ARHGAP6: variants seen among roughly 807,000 people sequenced by gnomAD.
ARHGAP6 encodes the protein rho GTPase-activating protein 6.
ARHGAP6 carries 16 observed loss-of-function variants against 55.7 expected under a neutral mutation model. That is an observed-to-expected ratio of 0.29 (90% CI 0.19 to 0.44). The LOEUF is 0.44. Among genes scored for constraint, ARHGAP6 ranks in the 20% least tolerant of loss-of-function variants. ARHGAP6 has a pLI of 1.00. For synonymous variants in ARHGAP6, 382 were observed against 360.9 expected (o/e 1.06, Z -0.66); for missense variants, 698 against 808.9 (o/e 0.86, Z 1.66).
At chrX:11,216,765 G>A (rs376315211) in intron 2 of ARHGAP6, among the ~76,000 whole-genome samples, 24 of 110,873 alleles carry the variant, frequency 2.2e-4, no homozygotes, top group African/African-American at 7.5e-4. Context: ...TGTGCAGAAC[G>A]TGCAGGTTTG....
At chrX:11,345,126 T>C (rs547632888) in intron 1 of ARHGAP6, among the ~76,000 whole-genome samples, 1 of 112,541 alleles carries the variant, frequency 8.9e-6, no homozygotes, top group Non-Finnish European at 1.9e-5. Context: ...GCATTCTCTA[T>C]GTCTCTCTTG....
chrX:11,187,077 T>A (rs1271884429), intron 4 of ARHGAP6, among the ~76,000 whole-genome samples: 1 of 111,276 alleles, frequency 9.0e-6, no homozygotes, highest in African/African-American at 3.3e-5. Flanking sequence ...CTTAGAGCTA[T>A]CCCTATCAAG....
intron 1 of ARHGAP6, among the ~76,000 whole-genome samples, chrX:11,480,182 A>C (rs1267361030): frequency 2.7e-5 from 3 of 112,112 alleles, no homozygotes; most frequent in Non-Finnish European, 5.6e-5. Flanking sequence ...ATAATAGCCC[A>C]AAACTGAAAA....
chrX:11,524,817 G>A (rs189991498), intron 1 of ARHGAP6, among the ~76,000 whole-genome samples: 103 of 111,230 alleles, frequency 9.3e-4, no homozygotes, highest in African/African-American at 2.9e-3. Context: ...ACAACTCACC[G>A]TAATGTAGAA....
At chrX:11,216,946 ATGAG>A (rs1275110120) in intron 2 of ARHGAP6, among the ~76,000 whole-genome samples, 2 of 110,112 alleles carry the variant, frequency 1.8e-5, no homozygotes, top group Non-Finnish European at 3.8e-5. Context: ...ACTCCCACTT[ATGAG>A]TGAGAACATG....
intron 1 of ARHGAP6, among the ~76,000 whole-genome samples, chrX:11,354,321 C>CTATA (rs1295985738): frequency 5.0e-4 from 32 of 64,357 alleles, no homozygotes; most frequent in African/African-American, 6.4e-4. Flanking sequence ...CTCTCTCTCT[C>CTATA]TCTCTCTATA....
intron 2 of ARHGAP6, among the ~76,000 whole-genome samples, chrX:11,227,800 CTTTT>C (rs772345343): frequency 2.0e-5 from 2 of 101,800 alleles, no homozygotes; most frequent in African/African-American, 7.1e-5. Flanking sequence ...TTTCTTTTTT[CTTTT>C]TTTTTTTTTG....
intron 1 of ARHGAP6, among the ~76,000 whole-genome samples, chrX:11,356,899 C>T (rs1318016738): frequency 9.0e-6 from 1 of 111,572 alleles, no homozygotes; most frequent in Non-Finnish European, 1.9e-5. Context: ...ATCCATATTG[C>T]CTGGACCCAG....
intron 1 of ARHGAP6, among the ~76,000 whole-genome samples, chrX:11,422,056 T>C (rs774306442): frequency 8.1e-5 from 9 of 111,575 alleles, no homozygotes; most frequent in East Asian, 5.6e-4. Context: ...GAAAGGATCA[T>C]TGGGTCCTTG....
At chrX:11,170,391 A>T (rs1283703280) in intron 8 of ARHGAP6, among the ~76,000 whole-genome samples, 1 of 112,152 alleles carries the variant, frequency 8.9e-6, no homozygotes, top group Non-Finnish European at 1.9e-5. Context: ...AAAATACGTC[A>T]TGGAGCCCCA....
chrX:11,220,940 C>T (rs1223566703), intron 2 of ARHGAP6, among the ~76,000 whole-genome samples: 1 of 109,841 alleles, frequency 9.1e-6, no homozygotes, highest in Non-Finnish European at 1.9e-5. Context: ...GGAGGAAGAT[C>T]TACCAAGCCA....
At chrX:11,241,297 C>T (rs181699035) in intron 2 of ARHGAP6, among the ~76,000 whole-genome samples, 1 of 110,003 alleles carries the variant, frequency 9.1e-6, no homozygotes, top group Non-Finnish European at 1.9e-5. Context: ...TCTGATTACC[C>T]TATCCCTTTT....
intron 1 of ARHGAP6, among the ~76,000 whole-genome samples, chrX:11,608,690 G>T: frequency 9.0e-6 from 1 of 111,433 alleles, no homozygotes; most frequent in Middle Eastern, 4.6e-3. Flanking sequence ...TTTGAATCAT[G>T]GGGGCGGTTT....
intron 1 of ARHGAP6, among the ~76,000 whole-genome samples, chrX:11,359,446 CCAAA>C (rs1029763081): frequency 4.5e-5 from 5 of 112,075 alleles, no homozygotes; most frequent in Non-Finnish European, 9.4e-5. Context: ...TTAAAGGTAA[CCAAA>C]CAGTCTTGCT....
At position 11,162,379 on chromosome X, in the gene ARHGAP6, G is replaced by A. The variant is rs1156353962; in HGVS notation, c.1810-5753C>T. 9.3e-5 allele frequency among the ~76,000 whole-genome samples: 9 copies of A among 96,957 alleles called. No individual in the cohort carries two copies. The East Asian group carries it at 1.6e-3, about 17-fold the overall frequency. 84.2% of individuals were successfully genotyped at this position (96,957 alleles called of 115,157 possible). On this transcript the variant is annotated intron_variant, in intron 9 of 12. Transcript: ENST00000337414. ...GTGTCACATAATAAATGCTGATGTCGAAAGCCATTTGCAGTTGATTATTGT... is the reference window on the plus strand; with the variant it reads ...GTGTCACATAATAAATGCTGATGTCAAAAGCCATTTGCAGTTGATTATTGT...
Position 11,459,931 on chromosome X carries a change from T to C in ARHGAP6, c.588+204310A>G, listed in dbSNP as rs559940758. Among the ~76,000 whole-genome samples, 6 of 111,112 alleles carry C rather than the reference T, an allele frequency of 5.4e-5. No individual in the cohort carries two copies. The South Asian group carries it at 2.3e-3, about 42-fold the overall frequency. On this transcript the variant is annotated intron_variant, in intron 1 of 12. Coordinates refer to ENST00000337414, the MANE Select transcript of ARHGAP6 (RefSeq NM_013427.3). ...CAATGAATTAGTGTTAAAAAAAAAG[T>C]GTTATAGTTGATCCTTGTTCACTGC...
chrX:11,149,839 A>G (rs777134923), intron 10 of ARHGAP6, among the ~76,000 whole-genome samples: 2 of 112,180 alleles, frequency 1.8e-5, no homozygotes, highest in Non-Finnish European at 3.8e-5. Context: ...CTAGCTAAAC[A>G]ATACAATTAT....
intron 2 of ARHGAP6, among the ~76,000 whole-genome samples, chrX:11,233,516 T>C (rs755429572): frequency 1.8e-5 from 2 of 111,542 alleles, no homozygotes; most frequent in Admixed American, 9.6e-5. Flanking sequence ...AACAATTAAT[T>C]ACTGGGGCAG....
At chrX:11,330,336 T>G (rs1297226247) in intron 1 of ARHGAP6, among the ~76,000 whole-genome samples, 2 of 112,852 alleles carry the variant, frequency 1.8e-5, no homozygotes, top group Non-Finnish European at 3.8e-5. Flanking sequence ...ATATTTGGGA[T>G]GTATATGTTA....
Sources: allele counts gnomAD v4.1 joint callset (sites outside exome capture counted in the v4.1 genomes callset), GRCh38; gene constraint gnomAD v4.1.1; transcripts MANE v1.5; gene names NCBI Gene and HGNC (gene_info 2026-07-23, HGNC 2026-07-21).